CTCF: variants seen among roughly 807,000 people sequenced by gnomAD.
CTCF encodes the protein transcriptional repressor CTCF.
Under a neutral mutation model 72.3 loss-of-function variants are expected in CTCF, and 7 were observed. That is an observed-to-expected ratio of 0.10 (90% confidence interval 0.06 to 0.18). The LOEUF (loss-of-function observed/expected upper bound fraction) is 0.18, where lower values mean the gene tolerates loss of function less well. Ranked by LOEUF, CTCF falls within the 10% of genes least tolerant of loss-of-function variation. The pLI is 1.00. For missense variants in CTCF, 516 were observed against 949.1 expected (o/e 0.54, Z 6.00); for synonymous variants, 374 against 315.8 (o/e 1.18, Z -1.95).
intron 5 of CTCF, among the ~76,000 whole-genome samples, chr16:67,620,104 A>G (rs1280440518): frequency 2.6e-5 from 4 of 152,198 alleles, no homozygotes; most frequent in Admixed American, 6.5e-5. Flanking sequence ...ATAGGCATGG[A>G]TTATTTTTAA....
intron 2 of CTCF, among the ~76,000 whole-genome samples, chr16:67,582,477 G>C (rs886346739): frequency 1.3e-5 from 2 of 152,064 alleles, no homozygotes; most frequent in Non-Finnish European, 2.9e-5. Flanking sequence ...CGGATCGCTT[G>C]AGTTCAGGAG....
rs555584618 is a variant in CTCF, at chr16:67,622,641, C to CTT, written c.1357+1068_1357+1069dup. Among the ~76,000 whole-genome samples the CTT allele has an allele frequency of 5.4e-4, 71 of 130,930 alleles. 1 individual carries two copies. Among genetic ancestry groups the CTT allele is most frequent in the African/African-American group, 1.6e-3 (57 of 35,426 alleles). 85.9% of individuals were successfully genotyped at this position (130,930 alleles called of 152,430 possible). On this transcript the variant is annotated intron_variant, in intron 7 of 11. Transcript: ENST00000264010. ...TATAGAGTTGGGCAACCTACTCTTA[C>CTT]TTTTTTTTTTTTTTTTTTTGAGATG...
At chr16:67,628,932 C>A (rs2052326446) in intron 9 of CTCF, among the ~76,000 whole-genome samples, 1 of 152,054 alleles carries the variant, frequency 6.6e-6, no homozygotes, top group Admixed American at 6.6e-5. Context: ...CGGTGGCGGG[C>A]CCCTGTACTC....
chr16:67,617,349 A>AT (rs1432133982), intron 5 of CTCF, among the ~76,000 whole-genome samples: 1 of 151,964 alleles, frequency 6.6e-6, no homozygotes, highest in Non-Finnish European at 1.5e-5. Flanking sequence ...AATACAAAAA[A>AT]TTAGCTGGGT....
At chr16:67,563,331 C>T (rs752554408) in intron 1 of CTCF, 3 of 152,160 alleles carry the variant, frequency 2.0e-5, no homozygotes, top group Non-Finnish European at 2.9e-5. Flanking sequence ...TGCTTGGCTG[C>T]TCGGCGGTCG....
intron 2 of CTCF, among the ~76,000 whole-genome samples, chr16:67,577,530 C>T (rs2051515568): frequency 6.6e-6 from 1 of 150,596 alleles, no homozygotes; most frequent in African/African-American, 2.4e-5. Flanking sequence ...CTCCGCCTCC[C>T]GGGTTCATGT....
rs569323717 is a variant in CTCF, at chr16:67,581,312, G to A, written c.-10+10048G>A. On this transcript the variant is annotated intron_variant, in intron 2 of 11. Transcript: ENST00000264010. ...GCTGCGTGTTGTGAACGTTTTTCCT[G>A]TTAGATGATCTTTTTCTTTTTTTTT... Among the ~76,000 whole-genome samples the A allele has an allele frequency of 6.8e-4, 102 of 150,674 alleles. 1 individual carries two copies. The highest frequency in any genetic ancestry group is 6.8e-3 in the Admixed American group (102 of 15,078).
intron 4 of CTCF, chr16:67,615,941 G>A (rs984477919): frequency 1.3e-5 from 2 of 152,110 alleles, no homozygotes; most frequent in Non-Finnish European, 2.9e-5. Flanking sequence ...TTTAGTGTTT[G>A]ATACTACCTT....
chr16:67,588,221 T>C (rs1486652187), intron 2 of CTCF, among the ~76,000 whole-genome samples: 1 of 152,208 alleles, frequency 6.6e-6, no homozygotes, highest in Admixed American at 6.5e-5. Context: ...GCAGCATCTG[T>C]CCAAAATTCA....
At chr16:67,611,873 T>C in intron 3 of CTCF, 78 bp from the exon 4 acceptor site, 1 of 1,297,568 alleles carries the variant, frequency 7.7e-7, no homozygotes, top group East Asian at 2.3e-5. Context: ...ATCAAATATA[T>C]TTGTAGAAAT....
intron 6 of CTCF, 43 bp downstream of exon 6, chr16:67,620,860 C>A (rs747401055): frequency 6.0e-6 from 9 of 1,502,348 alleles, no homozygotes; most frequent in South Asian, 1.3e-5. Flanking sequence ...AGCTTCTTTT[C>A]AGTGAATCCC....
At chr16:67,604,865 T>G (rs2051952321) in intron 2 of CTCF, among the ~76,000 whole-genome samples, 1 of 151,210 alleles carries the variant, frequency 6.6e-6, no homozygotes, top group African/African-American at 2.4e-5. Context: ...CCTAGAGAAT[T>G]TATATTCTAA....
chr16:67,562,981 G>T (rs1417976815), intron 1 of CTCF, among the ~76,000 whole-genome samples: 1 of 146,056 alleles, frequency 6.8e-6, no homozygotes, highest in Non-Finnish European at 1.5e-5. Flanking sequence ...GGCCTCGGGC[G>T]GCGGCAGAGG....
chr16:67,630,691 G>A (rs2052351055), intron 10 of CTCF, among the ~76,000 whole-genome samples: 1 of 152,044 alleles, frequency 6.6e-6, no homozygotes, highest in African/African-American at 2.4e-5. Flanking sequence ...GGAAATTGAG[G>A]CTGCAGTGAG....
intron 2 of CTCF, among the ~76,000 whole-genome samples, chr16:67,606,375 G>A (rs2051973350): frequency 6.6e-6 from 1 of 152,136 alleles, no homozygotes; most frequent in Admixed American, 6.6e-5. Flanking sequence ...TATCACACCT[G>A]GTTATGTTAT....
At chr16:67,585,829 A>G (rs556155567) in intron 2 of CTCF, among the ~76,000 whole-genome samples, 8 of 152,156 alleles carry the variant, frequency 5.3e-5, no homozygotes, top group South Asian at 2.1e-4. Context: ...AAAAATTTTT[A>G]AGGTTATGTT....
chr16:67,581,754 C>A (rs184819401), intron 2 of CTCF, among the ~76,000 whole-genome samples: 2 of 152,034 alleles, frequency 1.3e-5, no homozygotes, highest in Non-Finnish European at 2.9e-5. Context: ...CCACCCACCT[C>A]GGCCTCCCAA....
chr16:67,611,990 C>T lies in CTCF; in HGVS notation c.821C>T (p.Thr274Met), dbSNP rs1444251593. The part of the protein sequence containing the change: ...KTFQCELCSY[T>M]CPRRSNLDRH... ...TTCCAGTGTGAGCTTTGCAGTTACA[C>T]GTGTCCACGGCGTTCAAATTTGGAT... The change falls in exon 4 of 12, where the codon ACG (threonine) becomes ATG (methionine). Residue 274 changes from threonine (T) to methionine (M), a missense_variant. By Grantham distance (81) the Thr-to-Met change is moderately conservative (BLOSUM62 -1). This residue lies in a region of CTCF where 70 missense variants were observed against 290.1 expected (regional missense o/e 0.24). Transcript: ENST00000264010. 1.9e-6 allele frequency: 3 copies of T among 1,614,080 alleles called. No individual in the cohort carries two copies. Among genetic ancestry groups the T allele is most frequent in the Non-Finnish European group, 2.5e-6 (3 of 1,179,966 alleles).
At chr16:67,581,257 A>T (rs1467363122) in intron 2 of CTCF, among the ~76,000 whole-genome samples, 1 of 151,802 alleles carries the variant, frequency 6.6e-6, no homozygotes, top group East Asian at 1.9e-4. Flanking sequence ...TTAGGTTGGA[A>T]TCCTATTCTG....
Sources: gnomAD v4.1 joint callset for allele counts (sites outside exome capture counted in the v4.1 genomes callset) on GRCh38, gnomAD v4.1.1 for gene constraint, gnomAD v4.1.1 regional missense constraint, MANE v1.5 for transcripts, NCBI Gene and HGNC (gene_info 2026-07-23, HGNC 2026-07-21) for gene names.